The following CLNK variants were observed in gnomAD, a reference collection of about 807,000 sequenced individuals.
The protein encoded by CLNK is cytokine dependent hematopoietic cell linker, also known as cytokine-dependent hematopoietic cell linker.
CLNK carries 74 observed loss-of-function variants against 68.6 expected under a neutral mutation model. The ratio of observed to expected loss-of-function variants is 1.08; its 90% CI spans 0.89 to 1.31. The LOEUF (loss-of-function observed/expected upper bound fraction) is 1.31. Among genes scored for constraint, CLNK ranks in the 50% most tolerant of loss-of-function variants. The pLI is 0.00. For missense variants in CLNK, 553 were observed against 515.3 expected, an observed-to-expected ratio of 1.07 and a Z score of -0.71; for synonymous variants, 198 against 172.2, an observed-to-expected ratio of 1.15 and a Z score of -1.17.
chr4:10,508,213 G>T (rs1443956250), intron 16 of CLNK, among the ~76,000 whole-genome samples, 177 bp from the exon 17 acceptor site: 1 of 152,188 alleles, frequency 6.6e-6, no homozygotes, highest in African/African-American at 2.4e-5. Flanking sequence ...GATGCTTGGG[G>T]CAGAGAGACA....
chr4:10,660,029 G>A (rs1306841317), intron 2 of CLNK, among the ~76,000 whole-genome samples: 2 of 152,174 alleles, frequency 1.3e-5, no homozygotes, highest in Non-Finnish European at 2.9e-5. Flanking sequence ...GGCTAAAATA[G>A]CAATCATAAA....
chr4:10,491,392 G>A (rs1716565985), intron 18 of CLNK, among the ~76,000 whole-genome samples: 1 of 152,056 alleles, frequency 6.6e-6, no homozygotes, highest in Non-Finnish European at 1.5e-5. Flanking sequence ...AAATTGGTGG[G>A]CAATGCCTGC....
intron 4 of CLNK, among the ~76,000 whole-genome samples, chr4:10,572,938 C>T (rs1473770375): frequency 6.6e-6 from 1 of 152,162 alleles, no homozygotes; most frequent in Non-Finnish European, 1.5e-5. Context: ...AAGCGATTCT[C>T]GTGCCTCAGC....
At chr4:10,719,050 AG>A in the CLNK span, among the ~76,000 whole-genome samples, 2 of 152,148 alleles carry the variant, frequency 1.3e-5, no homozygotes, top group Non-Finnish European at 2.9e-5. Flanking sequence ...AAAAAGATAC[AG>A]TCAAAAACTC....
intron 2 of CLNK, among the ~76,000 whole-genome samples, chr4:10,661,933 C>T (rs765932753): frequency 1.3e-5 from 2 of 152,258 alleles, no homozygotes; most frequent in African/African-American, 4.8e-5. Context: ...GAATTCTATA[C>T]CTCTACGAAT....
intron 2 of CLNK, among the ~76,000 whole-genome samples, chr4:10,667,305 C>T (rs1442674165): frequency 6.6e-6 from 1 of 150,828 alleles, no homozygotes; most frequent in Admixed American, 6.6e-5. Context: ...ACTGGTCCAC[C>T]AAACTTTGCC....
intron 2 of CLNK, among the ~76,000 whole-genome samples, chr4:10,655,178 T>C (rs1225891307): frequency 1.3e-5 from 2 of 151,784 alleles, no homozygotes; most frequent in Non-Finnish European, 2.9e-5. Context: ...TATGAAACAT[T>C]GTGGCATTAT....
chr4:10,691,122 T>G, the CLNK span, among the ~76,000 whole-genome samples: 2 of 152,128 alleles, frequency 1.3e-5, no homozygotes, highest in African/African-American at 4.8e-5. Flanking sequence ...AGGAAACCCA[T>G]GAGAAGTTCC....
chr4:10,512,253 T>C (rs1717620716), intron 16 of CLNK, among the ~76,000 whole-genome samples: 1 of 151,482 alleles, frequency 6.6e-6, no homozygotes, highest in Non-Finnish European at 1.5e-5. Context: ...TTTTTTGTGA[T>C]GAAGTCTAGC....
rs1310803890 is a variant in CLNK, at chr4:10,627,025, T to C, written c.12-28976A>G. 3.3e-5 allele frequency among the ~76,000 whole-genome samples: 5 copies of C among 152,360 alleles called. No individual in the cohort carries two copies. The South Asian group carries it at 8.3e-4, about 25-fold the overall frequency. ...GCCTCTGTAAACTTCACCCAAGCAA[T>C]TTGCTACATCAGCGAGAGGTCAAAG... On this transcript the variant is annotated intron_variant, in intron 2 of 18. Transcript: ENST00000226951.
chr4:10,615,359 T>C (rs1722188239), intron 2 of CLNK, among the ~76,000 whole-genome samples: 1 of 152,128 alleles, frequency 6.6e-6, no homozygotes, highest in African/African-American at 2.4e-5. Context: ...CACATGCCTA[T>C]AATCCCAGAT....
At chr4:10,545,796 C>G (rs763855324) in intron 8 of CLNK, among the ~76,000 whole-genome samples, 1 of 152,204 alleles carries the variant, frequency 6.6e-6, no homozygotes, top group Non-Finnish European at 1.5e-5. Context: ...GCCTCCACAG[C>G]TCTTGCTTTC....
At chr4:10,496,763 A>T (rs982948489) in intron 18 of CLNK, among the ~76,000 whole-genome samples, 4 of 152,242 alleles carry the variant, frequency 2.6e-5, no homozygotes, top group Non-Finnish European at 5.9e-5. Flanking sequence ...CTTTCTATTT[A>T]CATAGGGCCT....
intron 3 of CLNK, among the ~76,000 whole-genome samples, chr4:10,595,496 G>A (rs1392025751): frequency 1.3e-5 from 2 of 152,160 alleles, no homozygotes; most frequent in Admixed American, 6.5e-5. Context: ...GATGTGATCT[G>A]TATTTTACTT....
chr4:10,541,369 G>T (rs1719016968), intron 10 of CLNK, among the ~76,000 whole-genome samples: 1 of 151,980 alleles, frequency 6.6e-6, no homozygotes, highest in African/African-American at 2.4e-5. Context: ...AGAGGAAAAA[G>T]ATACAGTTTT....
chr4:10,518,988 T>C (rs372269990), intron 15 of CLNK, among the ~76,000 whole-genome samples: 44 of 152,158 alleles, frequency 2.9e-4, no homozygotes, highest in African/African-American at 9.6e-4. Flanking sequence ...ATTGCAGGGG[T>C]GCTTAAGCAC....
intron 4 of CLNK, among the ~76,000 whole-genome samples, chr4:10,578,220 A>C (rs1720642484): frequency 6.6e-6 from 1 of 152,192 alleles, no homozygotes; most frequent in African/African-American, 2.4e-5. Flanking sequence ...TCACAGCCAA[A>C]TCCTTCTCAC....
At chr4:10,509,469 C>T (rs185356308) in intron 16 of CLNK, among the ~76,000 whole-genome samples, 1 of 152,240 alleles carries the variant, frequency 6.6e-6, no homozygotes, top group East Asian at 1.9e-4. Flanking sequence ...TGGTCCTCAC[C>T]TCTGCCTACC....
At position 10,584,921 on chromosome 4, in the gene CLNK, A is replaced by G. The variant is rs1271688478; in HGVS notation, c.112+6T>C. On this transcript the variant is annotated splice_donor_region_variant and intron_variant, in intron 4 of 18. Transcript: ENST00000226951. ...ACCACTTAGGTGACAGAGAGCCCCG[A>G]CTCACCTGTGGCACTATTGATGCGA... 1.9e-6 allele frequency: 3 copies of G among 1,613,482 alleles called. No homozygotes were observed. The highest frequency in any genetic ancestry group is 1.7e-6 in the Non-Finnish European group (2 of 1,179,694).
Sources: allele counts gnomAD v4.1 joint callset (sites outside exome capture counted in the v4.1 genomes callset), GRCh38; gene constraint gnomAD v4.1.1; transcripts MANE v1.5; gene names NCBI Gene and HGNC (gene_info 2026-07-23, HGNC 2026-07-21).